Variants in JAKMIP2 observed in about 807,000 individuals in gnomAD.
JAKMIP2 encodes janus kinase and microtubule-interacting protein 2.
In JAKMIP2, 25 loss-of-function variants were observed where a neutral mutation model predicts 115.0. That is an observed-to-expected ratio of 0.22 (90% CI 0.16 to 0.30). The LOEUF (loss-of-function observed/expected upper bound fraction) is 0.30, where lower values mean the gene tolerates loss of function less well. JAKMIP2 is among the 10% of genes least tolerant of loss of function. JAKMIP2 has a pLI of 1.00. For missense variants in JAKMIP2, 642 were observed against 957.6 expected (o/e 0.67, Z 4.35); for synonymous variants, 334 against 343.6 (o/e 0.97, Z 0.31).
intron 1 of JAKMIP2, among the ~76,000 whole-genome samples, chr5:147,726,339 G>A (rs745458234): frequency 4.6e-5 from 7 of 152,158 alleles, no homozygotes; most frequent in Non-Finnish European, 7.3e-5. Context: ...TTTGTGTTGC[G>A]GTTTGGCCCC....
chr5:147,748,887 C>A (rs935952603), intron 1 of JAKMIP2, among the ~76,000 whole-genome samples: 1 of 152,164 alleles, frequency 6.6e-6, no homozygotes, highest in Non-Finnish European at 1.5e-5. Flanking sequence ...AACCAGAAGA[C>A]CTGCTTGGGA....
chr5:147,586,102 TG>T lies in JAKMIP2; in HGVS notation c.*5604del, dbSNP rs1035096397. On this transcript the variant is annotated 3_prime_UTR_variant, in exon 22 of 22. Coordinates refer to ENST00000616793, the MANE Select transcript of JAKMIP2 (RefSeq NM_001270941.2). ...GGAAATAATAGTAGTGAACAGAAGGTGGGGTAAGGGAGAGAAGAGGTAGTCA... is the reference window on the plus strand; with the variant it reads ...GGAAATAATAGTAGTGAACAGAAGGTGGGTAAGGGAGAGAAGAGGTAGTCA... 16 of 151,328 alleles carry T rather than the reference TG, an allele frequency of 1.1e-4. No individual in the cohort carries two copies. The highest frequency in any genetic ancestry group is 2.7e-4 in the African/African-American group (11 of 41,144). 9.4% of individuals were successfully genotyped at this position (151,328 alleles called of 1,614,324 possible). A position where few individuals can be genotyped will look rare whatever the true frequency, so the allele number is the denominator to read the frequency against.
At chr5:147,609,848 C>T (rs940382349) in intron 20 of JAKMIP2, among the ~76,000 whole-genome samples, 9 of 152,270 alleles carry the variant, frequency 5.9e-5, no homozygotes, top group Admixed American at 2.6e-4. Context: ...CACATAGTCT[C>T]ATAGTCTCAT....
At chr5:147,708,996 C>T (rs753057310) in intron 1 of JAKMIP2, among the ~76,000 whole-genome samples, 16 of 152,188 alleles carry the variant, frequency 1.1e-4, no homozygotes, top group Non-Finnish European at 1.6e-4. Context: ...AAATCATCCT[C>T]TCAATGTATC....
At position 147,782,539 on chromosome 5, in the gene JAKMIP2, C is replaced by T; in HGVS notation, c.-232G>A. Reference sequence around the variant, plus strand: ...TCCTTGTGACCGAGTCGGATGCAGCCTCCGAACCCAACATCAGCAGTGGCT... The same window carrying T: ...TCCTTGTGACCGAGTCGGATGCAGCTTCCGAACCCAACATCAGCAGTGGCT... On this transcript the variant is annotated 5_prime_UTR_variant, in exon 1 of 22. Coordinates refer to ENST00000616793, the MANE Select transcript of JAKMIP2 (RefSeq NM_001270941.2). The T allele has an allele frequency of 4.1e-6, 6 of 1,457,706 alleles. No homozygotes were observed. Among genetic ancestry groups the T allele is most frequent in the Non-Finnish European group, 5.6e-6 (6 of 1,075,556 alleles). 90.3% of individuals were successfully genotyped at this position (1,457,706 alleles called of 1,614,324 possible). A position where few individuals can be genotyped will look rare whatever the true frequency, so the allele number is the denominator to read the frequency against.
rs145999128 is a variant in JAKMIP2 at position 147,773,162 on chromosome 5, T to C, written c.-149+9294A>G. Among the ~76,000 whole-genome samples the C allele has an allele frequency of 2.6e-5, 4 of 152,280 alleles. No individual in the cohort carries two copies. In the East Asian group the frequency reaches 7.7e-4, roughly 29 times the overall value. On this transcript the variant is annotated intron_variant, in intron 1 of 21. Transcript: ENST00000616793. ...CTCCACATCTTCTAAAGAGTAAAGA[T>C]GAGTCAGCATCAACTCTGAAAAAAT...
intron 1 of JAKMIP2, among the ~76,000 whole-genome samples, chr5:147,766,080 C>T (rs995291008): frequency 3.9e-5 from 6 of 152,108 alleles, no homozygotes; most frequent in Non-Finnish European, 7.4e-5. Context: ...ATTCCCTCAC[C>T]CAACCTTGGG....
At chr5:147,652,130 G>T (rs1414648398) in intron 3 of JAKMIP2, among the ~76,000 whole-genome samples, 2 of 151,972 alleles carry the variant, frequency 1.3e-5, no homozygotes, top group Non-Finnish European at 2.9e-5. Flanking sequence ...AGCTTAATAT[G>T]CCTTATTTTA....
chr5:147,630,047 G>A (rs1279397046), intron 14 of JAKMIP2, among the ~76,000 whole-genome samples: 1 of 152,072 alleles, frequency 6.6e-6, no homozygotes, highest in Non-Finnish European at 1.5e-5. Context: ...CTAGCATGTA[G>A]TAAAAGACTT....
In JAKMIP2 at chr5:147,631,494, G is replaced by T; in HGVS notation, c.1794C>A (p.Ser598=). 1 of 1,608,664 alleles carries T rather than the reference G, an allele frequency of 6.2e-7. No homozygotes were observed. The highest frequency in any genetic ancestry group is 8.5e-7 in the Non-Finnish European group (1 of 1,175,338). Residue 598 remains serine (S), a synonymous_variant, in exon 14 of 22, where the codon TCC becomes TCA. Coordinates refer to ENST00000616793, the MANE Select transcript of JAKMIP2 (RefSeq NM_001270941.2). ...NLELEERERR[S]PPFNLQIHPF... ...GGTGAATTTGGAGATTAAATGGAGG[G>T]GATCGTCTCTCTCTCTCCTTGAAAC...
intron 1 of JAKMIP2, among the ~76,000 whole-genome samples, chr5:147,759,442 A>G (rs1754856023): frequency 6.6e-6 from 1 of 152,142 alleles, no homozygotes; most frequent in South Asian, 2.1e-4. Flanking sequence ...AAATTTGAGC[A>G]TCTACTCTTC....
At chr5:147,654,612 G>T (rs1758582639) in intron 3 of JAKMIP2, among the ~76,000 whole-genome samples, 1 of 152,122 alleles carries the variant, frequency 6.6e-6, no homozygotes, top group Admixed American at 6.5e-5. Flanking sequence ...GGAGTTTTGG[G>T]CTGAGATCAT....
At position 147,614,802 on chromosome 5, in the gene JAKMIP2, G is replaced by A. The variant is rs920493591; in HGVS notation, c.2347-2431C>T. Among the ~76,000 whole-genome samples, 15 of 152,274 alleles carry A rather than the reference G, an allele frequency of 9.9e-5. No homozygotes were observed. The South Asian group carries it at 2.1e-3, about 21-fold the overall frequency. The stretch of plus-strand genomic sequence containing the variant: ...CCTATCAACCTCACTCTGGCTCTGC[G>A]TGCTCCTGACATTCTAGCCTTTGCT... On this transcript the variant is annotated intron_variant, in intron 19 of 21. Transcript: ENST00000616793.
chr5:147,599,518 C>T (rs1755584753), intron 21 of JAKMIP2, among the ~76,000 whole-genome samples: 1 of 152,188 alleles, frequency 6.6e-6, no homozygotes, highest in South Asian at 2.1e-4. Context: ...ATTCACTTAA[C>T]AGACAATTAC....
chr5:147,699,960 T>C lies in JAKMIP2; in HGVS notation c.-148-28006A>G, dbSNP rs140167219. Among the ~76,000 whole-genome samples, 1,280 of 152,344 alleles carry C rather than the reference T, an allele frequency of 8.4e-3. 18 individuals are homozygous for C. Among genetic ancestry groups the C allele is most frequent in the African/African-American group, 0.029 (1,209 of 41,580 alleles). On this transcript the variant is annotated intron_variant, in intron 1 of 21. Transcript: ENST00000616793. ...AGCCTCACGTCATCCTTCATGGTGG[T>C]GTGTGACCTAAATGTACGCTATCTA... is the stretch of plus-strand genomic sequence containing the variant.
chr5:147,622,727 A>G (rs1756911022), intron 17 of JAKMIP2, among the ~76,000 whole-genome samples: 1 of 152,186 alleles, frequency 6.6e-6, no homozygotes, highest in Non-Finnish European at 1.5e-5. Context: ...GTGTATAAAT[A>G]TCTCTTCCAG....
At chr5:147,634,228 T>G (rs1015226796) in intron 12 of JAKMIP2, among the ~76,000 whole-genome samples, 10 of 152,224 alleles carry the variant, frequency 6.6e-5, no homozygotes, top group Non-Finnish European at 1.2e-4. Context: ...TTTTGTTTAT[T>G]TATTCTTAGA....
chr5:147,687,662 T>C (rs549203873), intron 1 of JAKMIP2, among the ~76,000 whole-genome samples: 3 of 152,288 alleles, frequency 2.0e-5, no homozygotes, highest in East Asian at 3.9e-4. Context: ...TTTTTATATC[T>C]GATATTAAAA....
intron 21 of JAKMIP2, among the ~76,000 whole-genome samples, chr5:147,599,737 T>C (rs1481807481): frequency 2.6e-5 from 4 of 152,150 alleles, no homozygotes; most frequent in Non-Finnish European, 4.4e-5. Flanking sequence ...AAGGCCCTTT[T>C]TTACTTGTGA....
Sources: allele counts gnomAD v4.1 joint callset (sites outside exome capture counted in the v4.1 genomes callset), GRCh38; gene constraint gnomAD v4.1.1; transcripts MANE v1.5; gene names NCBI Gene and HGNC (gene_info 2026-07-23, HGNC 2026-07-21).